The following IHH variants were observed in gnomAD, a reference collection of about 807,000 sequenced individuals.
IHH encodes indian hedgehog protein.
IHH carries 9 observed loss-of-function variants against 29.4 expected under a neutral mutation model. That is an observed-to-expected ratio of 0.31 (90% CI 0.18 to 0.53). The LOEUF is 0.53. Ranked by LOEUF, IHH falls within the 20% of genes least tolerant of loss-of-function variation. The pLI is 0.95. For synonymous variants in IHH, 254 were observed against 252.7 expected (o/e 1.01, Z -0.05); for missense variants, 454 against 578.1 (o/e 0.79, Z 2.20).
Position 219,055,465 on chromosome 2 carries a change from G to A in IHH, c.978C>T (p.Leu326=), listed in dbSNP as rs376645248. 1.2e-5 allele frequency: 20 copies of A among 1,610,900 alleles called. No homozygotes were observed. The highest frequency in any genetic ancestry group is 2.2e-5 in the East Asian group (1 of 44,838). Residue 326 remains leucine (L), a synonymous_variant, in exon 3 of 3, where the codon CTC becomes CTT. Transcript: ENST00000295731. ...RVAAVSTHVA[L]GAYAPLTKHG... Reference sequence around the variant, plus strand: ...GCTTTGTGAGCGGGGCGTAGGCCCCGAGGGCCACGTGTGTAGAGACAGCTG... The same window carrying A: ...GCTTTGTGAGCGGGGCGTAGGCCCCAAGGGCCACGTGTGTAGAGACAGCTG...
chr2:219,060,738 G>C lies in IHH; in HGVS notation c.-271C>G, dbSNP rs1948874651. 6.7e-6 allele frequency among the ~76,000 whole-genome samples: 1 copy of C among 149,678 alleles called. No individual in the cohort carries two copies. Among genetic ancestry groups the C allele is most frequent in the Non-Finnish European group, 1.5e-5 (1 of 67,172 alleles). ...CGGCCGCCAATAAATAGGCCGGCCCGTTTGTTTTGGCAACGCGGCGGCGGC... is the reference window on the plus strand; with the variant it reads ...CGGCCGCCAATAAATAGGCCGGCCCCTTTGTTTTGGCAACGCGGCGGCGGC... On this transcript the variant is annotated 5_prime_UTR_variant, in exon 1 of 3. Transcript: ENST00000295731. This position sits in a 1 kb window ranked among gnomAD's most constrained non-coding sequence, Gnocchi z 8.8.
At position 219,054,440 on chromosome 2, in the gene IHH, AT is replaced by A. The variant is rs983759938; in HGVS notation, c.*766del. 2.6e-5 allele frequency: 4 copies of A among 152,566 alleles called. No homozygotes were observed. Among genetic ancestry groups the A allele is most frequent in the African/African-American group, 9.7e-5 (4 of 41,430 alleles). The allele number at this position is 152,566 out of a possible 1,614,324, so 9.5% of individuals were successfully genotyped here. ...CTCTGTGGCTCTAACAACTTAAATA[AT>A]TTTTATTACAAAAGGAAGAAAAGAC... On this transcript the variant is annotated 3_prime_UTR_variant, in exon 3 of 3. Coordinates refer to ENST00000295731, the MANE Select transcript of IHH (RefSeq NM_002181.4).
Position 219,060,267 on chromosome 2 carries a change from A to G in IHH, c.201T>C (p.Tyr67=). 1 of 1,613,670 alleles carries G rather than the reference A, an allele frequency of 6.2e-7. No individual in the cohort carries two copies. The highest frequency in any genetic ancestry group is 8.5e-7 in the Non-Finnish European group (1 of 1,179,860). The stretch of plus-strand genomic sequence containing the variant: ...CGGAGCTGCGAGCGATCTTGCCTTC[A>G]TAGCGTCCGCTGGCGCCCAGGGTCT... The part of the protein sequence containing the change: ...PEKTLGASGR[Y]EGKIARSSER... The change falls in exon 1 of 3, where the codon TAT becomes TAC. Residue 67 remains tyrosine, a synonymous_variant. Coordinates refer to ENST00000295731, the MANE Select transcript of IHH (RefSeq NM_002181.4). This position sits in a 1 kb window ranked among gnomAD's most constrained non-coding sequence, Gnocchi z 8.8.
intron 2 of IHH, 88 bp downstream of exon 2, chr2:219,057,344 CG>C: frequency 1.4e-6 from 2 of 1,393,228 alleles, no homozygotes; most frequent in East Asian, 5.0e-5. Context: ...CCTCCATCCC[CG>C]GGCGGGCTCT....
chr2:219,056,008 C>T, intron 2 of IHH, 143 bp from the exon 3 acceptor site: 1 of 844,514 alleles, frequency 1.2e-6, no homozygotes, highest in Non-Finnish European at 1.9e-6. Flanking sequence ...CTCCTGCCCC[C>T]CACTTCCTAT....
chr2:219,060,150 C>T lies in IHH; in HGVS notation c.315+3G>A. On this transcript the variant is annotated splice_donor_region_variant and intron_variant, in intron 1 of 2. Coordinates refer to ENST00000295731, the MANE Select transcript of IHH (RefSeq NM_002181.4). The surrounding 1 kb of genome is among the most constrained non-coding windows in gnomAD (Gnocchi z 8.8). ...GCGCGCTGGTAGGGCGGATCGCGCTCACCTGGGTCATGAGGCGGTCGGCGC... is the reference window on the plus strand; with the variant it reads ...GCGCGCTGGTAGGGCGGATCGCGCTTACCTGGGTCATGAGGCGGTCGGCGC... The T allele has an allele frequency of 6.2e-7, 1 of 1,605,742 alleles. No homozygotes were observed. The highest frequency in any genetic ancestry group is 8.5e-7 in the Non-Finnish European group (1 of 1,175,376).
Position 219,057,527 on chromosome 2 carries a change from A to G in IHH, c.483T>C (p.Asn161=), listed in dbSNP as rs1292096381. ...VDITTSDRDR[N]KYGLLARLAV... ...CCAAGCGCGCCAGCAGTCCATACTTATTGCGGTCGCGGTCTGATGTGGTGA... is the reference window on the plus strand; with the variant it reads ...CCAAGCGCGCCAGCAGTCCATACTTGTTGCGGTCGCGGTCTGATGTGGTGA... Residue 161 remains asparagine (N), a synonymous_variant, in exon 2 of 3, where the codon AAT becomes AAC. Coordinates refer to ENST00000295731, the MANE Select transcript of IHH (RefSeq NM_002181.4). 1.2e-6 allele frequency: 2 copies of G among 1,613,838 alleles called. No individual in the cohort carries two copies. Among genetic ancestry groups the G allele is most frequent in the Non-Finnish European group, 1.7e-6 (2 of 1,179,978 alleles).
chr2:219,056,134 G>C (rs1424005722), intron 2 of IHH, among the ~76,000 whole-genome samples: 2 of 152,200 alleles, frequency 1.3e-5, no homozygotes, highest in Admixed American at 1.3e-4. Flanking sequence ...CCAAGACCCA[G>C]TGGATGAGAA....
In IHH at chr2:219,060,776, G is replaced by A. The variant is rs1470272088; in HGVS notation, c.-309C>T. 1.4e-5 allele frequency among the ~76,000 whole-genome samples: 2 copies of A among 147,064 alleles called. No individual in the cohort carries two copies. The highest frequency in any genetic ancestry group is 4.9e-5 in the African/African-American group (2 of 40,856). On this transcript the variant is annotated 5_prime_UTR_variant, in exon 1 of 3. Coordinates refer to ENST00000295731, the MANE Select transcript of IHH (RefSeq NM_002181.4). The surrounding 1 kb of genome is among the most constrained non-coding windows in gnomAD (Gnocchi z 8.8). ...ACGCGGCGGCGGCGGGGGGCGGCGG[G>A]CGGCGGGGCTGCGGGCCGCCGGGCT...
rs2106309885 is a variant in IHH at position 219,059,407 on chromosome 2, T to C, written c.315+746A>G. ...ATGCAGAGACTAGCGTCAGCCCTGG[T>C]CCCTGCCTCCCTCGGCATCTCAGCC... On this transcript the variant is annotated intron_variant, in intron 1 of 2. Coordinates refer to ENST00000295731, the MANE Select transcript of IHH (RefSeq NM_002181.4). The surrounding 1 kb of genome is among the most constrained non-coding windows in gnomAD (Gnocchi z 4.7). Among the ~76,000 whole-genome samples, 1 of 152,184 alleles carries C rather than the reference T, an allele frequency of 6.6e-6. No individual in the cohort carries two copies. The highest frequency in any genetic ancestry group is 1.9e-4 in the East Asian group (1 of 5,170).
Position 219,057,703 on chromosome 2 carries a change from GGAAT to G in IHH, c.316-13_316-10del. The G allele has an allele frequency of 6.2e-7, 1 of 1,604,392 alleles. No individual in the cohort carries two copies. The highest frequency in any genetic ancestry group is 8.5e-7 in the Non-Finnish European group (1 of 1,179,972). On this transcript the variant is annotated splice_polypyrimidine_tract_variant and intron_variant, in intron 1 of 2. Transcript: ENST00000295731. ...AGGCGGTCCTTGCAGCGCTGGGAGA[GGAAT>G]GTGCGCGAAATCAACCAGAGCGAAA...
Position 219,055,372 on chromosome 2 carries a change from A to G in IHH, c.1071T>C (p.Ala357=). The change falls in exon 3 of 3, where the codon GCT becomes GCC. Residue 357 remains alanine (A), a synonymous_variant. Coordinates refer to ENST00000295731, the MANE Select transcript of IHH (RefSeq NM_002181.4). ...GTCTCAGGGGCCAGAAGGCCAACTG[A>G]GCCAGGTGGTGGTCAGCCACGGCCG... ...CFAAVADHHL[A]QLAFWPLRLF... 3 of 1,613,208 alleles carry G rather than the reference A, an allele frequency of 1.9e-6. No homozygotes were observed. Among genetic ancestry groups the G allele is most frequent in the Non-Finnish European group, 1.7e-6 (2 of 1,180,016 alleles).
At chr2:219,057,806 AGCTG>A in intron 1 of IHH, 112 bp from the exon 2 acceptor site, 20 of 1,448,484 alleles carry the variant, frequency 1.4e-5, no homozygotes, top group Admixed American at 3.6e-5. Flanking sequence ...CACCCAAGGG[AGCTG>A]GAAGCCCGGG....
Position 219,055,669 on chromosome 2 carries a change from C to G in IHH, c.774G>C (p.Gln258His), listed in dbSNP as rs1490926405. Residue 258 changes from glutamine (Q) to histidine (H), a missense_variant, in exon 3 of 3, where the codon CAG (glutamine) becomes CAC (histidine). Transcript: ENST00000295731. ...DREPHRLRAF[Q>H]VIETQDPPRR... is the part of the protein sequence containing the mutation. ...GTGGGGGGTCCTGAGTCTCGATGAC[C>G]TGGAAGGCTCTCAGCCTGTGAGGCT... The G allele has an allele frequency of 6.2e-7, 1 of 1,614,070 alleles. No homozygotes were observed.
In IHH at chr2:219,055,353, G is replaced by C. The variant is rs931968868; in HGVS notation, c.1090C>G (p.Leu364Val). 3 of 1,613,162 alleles carry C rather than the reference G, an allele frequency of 1.9e-6. No individual in the cohort carries two copies. The highest frequency in any genetic ancestry group is 2.7e-5 in the African/African-American group (2 of 74,958). ...CATGCCAAGCTGTGAAAGAGTCTCA[G>C]GGGCCAGAAGGCCAACTGAGCCAGG... ...HHLAQLAFWP[L>V]RLFHSLAWGS... The change falls in exon 3 of 3, where the codon CTG becomes GTG. Residue 364 changes from leucine to valine, a missense_variant. Transcript: ENST00000295731.
rs1423023362 is a variant in IHH at position 219,057,456 on chromosome 2, T to C, written c.554A>G (p.His185Arg). ...FDWVYYESKA[H>R]VHCSVKSEHS... ...ACCGGACTTGACGGAGCAATGCACG[T>C]GGGCCTTTGACTCGTAATACACCCA... is the stretch of plus-strand genomic sequence containing the variant. Residue 185 changes from histidine to arginine, a missense_variant, in exon 2 of 3, where the codon CAC (histidine) becomes CGC (arginine). His to Arg is a conservative substitution (Grantham distance 29). Coordinates refer to ENST00000295731, the MANE Select transcript of IHH (RefSeq NM_002181.4). 4.4e-6 allele frequency: 7 copies of C among 1,591,122 alleles called. No individual in the cohort carries two copies. Among genetic ancestry groups the C allele is most frequent in the Non-Finnish European group, 6.0e-6 (7 of 1,169,244 alleles).
chr2:219,056,632 A>T (rs2106307892), intron 2 of IHH, among the ~76,000 whole-genome samples: 1 of 152,270 alleles, frequency 6.6e-6, no homozygotes, highest in East Asian at 1.9e-4. Context: ...AGGAATATCA[A>T]AATGTGGGCC....
intron 2 of IHH, among the ~76,000 whole-genome samples, chr2:219,057,229 C>T (rs1440030768): frequency 6.6e-6 from 1 of 152,228 alleles, no homozygotes; most frequent in Non-Finnish European, 1.5e-5. Context: ...GGCCCTATCG[C>T]CCTAGGCTCC....
rs1379468063 is a variant in IHH, at chr2:219,054,954, T to C, written c.*253A>G. 7.3e-6 allele frequency: 4 copies of C among 546,620 alleles called. No individual in the cohort carries two copies. Among genetic ancestry groups the C allele is most frequent in the Admixed American group, 3.3e-5 (1 of 30,054 alleles). 33.9% of individuals were successfully genotyped at this position (546,620 alleles called of 1,614,324 possible). ...TGAGTTGGGAGTCGCCGTGCCAGCCTCAAGGTCTCTAGGAGAGAGGGGTCA... is the reference window on the plus strand; with the variant it reads ...TGAGTTGGGAGTCGCCGTGCCAGCCCCAAGGTCTCTAGGAGAGAGGGGTCA... On this transcript the variant is annotated 3_prime_UTR_variant, in exon 3 of 3. Transcript: ENST00000295731.
Sources: allele counts gnomAD v4.1 joint callset (sites outside exome capture counted in the v4.1 genomes callset), GRCh38; gene constraint gnomAD v4.1.1; non-coding constraint Gnocchi (gnomAD v3.1); transcripts MANE v1.5; gene names NCBI Gene and HGNC (gene_info 2026-07-23, HGNC 2026-07-21).